Variants in TBCE observed in about 807,000 individuals in gnomAD.
TBCE encodes the protein tubulin-specific chaperone E.
A neutral mutation model predicts 77.0 loss-of-function variants in TBCE; 53 were observed. That is an observed-to-expected ratio of 0.69 (90% CI 0.55 to 0.87). The LOEUF is 0.87. TBCE is among the 40% of genes least tolerant of loss of function. The probability of loss-of-function intolerance (pLI) is 0.00; values close to 1 mark genes in which losing one functional copy is unlikely to be tolerated. For missense variants in TBCE, 624 were observed against 622.4 expected (o/e 1.00, Z -0.03); for synonymous variants, 235 against 241.3 (o/e 0.97, Z 0.24).
rs1553340612 is a variant in TBCE, at chr1:235,443,185, CAT to C, written c.1399+284_1399+285del. 9.0e-3 allele frequency among the ~76,000 whole-genome samples: 1,258 copies of C among 139,826 alleles called. 16 individuals are homozygous for C. Among genetic ancestry groups the C allele is most frequent in the African/African-American group, 0.03 (1,209 of 40,208 alleles). 91.7% of individuals were successfully genotyped at this position (139,826 alleles called of 152,430 possible). On this transcript the variant is annotated intron_variant, in intron 15 of 16. Transcript: ENST00000642610. Reference sequence around the variant, plus strand: ...ATAATTACACACACACACACACACACATATATATATACACACACACACACAAT... The same window carrying C: ...ATAATTACACACACACACACACACACATATATATACACACACACACACAAT...
intron 1 of TBCE, among the ~76,000 whole-genome samples, chr1:235,370,121 G>A (rs12070571): frequency 0.12 from 17,717 of 151,828 alleles, 1,418 homozygotes; most frequent in African/African-American, 0.22. Context: ...CATTGCACTC[G>A]TTATCCTTGT....
intron 3 of TBCE, among the ~76,000 whole-genome samples, chr1:235,405,455 G>C (rs950969577): frequency 6.6e-6 from 1 of 151,554 alleles, no homozygotes; most frequent in Non-Finnish European, 1.5e-5. Flanking sequence ...GGCCAACATG[G>C]TTAAACCCCG....
Position 235,446,695 on chromosome 1 carries a change from G to GTT in TBCE, c.1400-1639_1400-1638dup, listed in dbSNP as rs11405266. Among the ~76,000 whole-genome samples, 744 of 138,936 alleles carry GTT rather than the reference G, an allele frequency of 5.4e-3. 17 individuals carry two copies. Among genetic ancestry groups the GTT allele is most frequent in the Admixed American group, 0.041 (569 of 13,832 alleles). The allele number at this position is 138,936 out of a possible 152,430, so 91.1% of individuals were successfully genotyped here. A position where few individuals can be genotyped will look rare whatever the true frequency, so the allele number is the denominator to read the frequency against. On this transcript the variant is annotated intron_variant, in intron 15 of 16. Transcript: ENST00000642610. ...CTATAGAACCGGTATGAGTAGGCAG[G>GTT]TTTTTTTTTTTTTTTTGAGACAGGT...
chr1:235,407,479 C>T (rs1365766524), intron 3 of TBCE, among the ~76,000 whole-genome samples: 1 of 152,146 alleles, frequency 6.6e-6, no homozygotes, highest in Non-Finnish European at 1.5e-5. Context: ...CTAGCAAGCT[C>T]TGATTGGTGA....
At chr1:235,419,024 T>C (rs1680250441) in intron 4 of TBCE, 1 of 262,032 alleles carries the variant, frequency 3.8e-6, no homozygotes, top group South Asian at 4.3e-5. Context: ...CTGGCCAACA[T>C]GGTGAAACCC....
intron 2 of TBCE, among the ~76,000 whole-genome samples, chr1:235,397,347 G>A (rs1678800115): frequency 2.6e-5 from 4 of 151,954 alleles, no homozygotes; most frequent in Admixed American, 1.3e-4. Context: ...GACTACGGGC[G>A]CCCGCCAGGA....
At chr1:235,420,064 C>G (rs1384551945) in intron 5 of TBCE, among the ~76,000 whole-genome samples, 1 of 149,134 alleles carries the variant, frequency 6.7e-6, no homozygotes, top group Non-Finnish European at 1.5e-5. Context: ...AGCCTGGAGA[C>G]AGAACAAGAC....
chr1:235,443,911 A>G (rs1322798090), intron 15 of TBCE, among the ~76,000 whole-genome samples: 1 of 152,244 alleles, frequency 6.6e-6, no homozygotes, highest in Non-Finnish European at 1.5e-5. Context: ...CAAAAGAAAA[A>G]TGAAATTATA....
At chr1:235,379,580 T>C (rs1045100108) in intron 1 of TBCE, among the ~76,000 whole-genome samples, 1 of 151,848 alleles carries the variant, frequency 6.6e-6, no homozygotes, top group African/African-American at 2.4e-5. Context: ...AATGTATCGT[T>C]TGAGCTAGAG....
intron 15 of TBCE, among the ~76,000 whole-genome samples, chr1:235,447,469 A>AAGTT (rs1682443989): frequency 6.6e-6 from 1 of 152,178 alleles, no homozygotes; most frequent in Non-Finnish European, 1.5e-5. Context: ...ATTTACTCGG[A>AAGTT]AGTTACATTC....
chr1:235,398,305 C>G (rs1013146460), intron 2 of TBCE, among the ~76,000 whole-genome samples: 3 of 151,838 alleles, frequency 2.0e-5, no homozygotes, highest in African/African-American at 7.3e-5. Flanking sequence ...GCCACCACGC[C>G]CGGCTAATTT....
chr1:235,401,905 A>G (rs146966367), intron 3 of TBCE, among the ~76,000 whole-genome samples: 243 of 146,488 alleles, frequency 1.7e-3, no homozygotes, highest in African/African-American at 6.0e-3. Flanking sequence ...CCAATTTACA[A>G]TCCAGTAAGT....
At chr1:235,402,053 G>T (rs1048598616) in intron 3 of TBCE, among the ~76,000 whole-genome samples, 1 of 150,070 alleles carries the variant, frequency 6.7e-6, no homozygotes, top group South Asian at 2.1e-4. Context: ...ATGTCACATT[G>T]CATTTCTTTG....
intron 2 of TBCE, among the ~76,000 whole-genome samples, chr1:235,388,283 CTTTTT>C (rs908940784): frequency 8.5e-6 from 1 of 117,334 alleles, no homozygotes; most frequent in African/African-American, 3.3e-5. Flanking sequence ...TCTGTTACTT[CTTTTT>C]TTTTTTTTTT....
rs1331267766 is a variant in TBCE at position 235,436,712 on chromosome 1, C to T, written c.963+104C>T. ...CAAAAAAGTAAAAAGAAATTTAAAT[C>T]GAAAGAGAAATACCTCCTCAGAGTG... is the stretch of plus-strand genomic sequence containing the variant. On this transcript the variant is annotated intron_variant, in intron 11 of 16. Transcript: ENST00000642610. The T allele has an allele frequency of 4.5e-5, 52 of 1,165,202 alleles. No homozygotes were observed. The Middle Eastern group carries it at 5.7e-4, about 13-fold the overall frequency. 72.2% of individuals were successfully genotyped at this position (1,165,202 alleles called of 1,614,324 possible).
intron 2 of TBCE, among the ~76,000 whole-genome samples, chr1:235,391,557 T>C (rs1270689155): frequency 6.6e-6 from 1 of 151,218 alleles, no homozygotes; most frequent in Non-Finnish European, 1.5e-5. Flanking sequence ...CATGTCAGTT[T>C]AACAATTGTT....
At chr1:235,423,180 G>T (rs906549362) in intron 5 of TBCE, among the ~76,000 whole-genome samples, 2 of 152,138 alleles carry the variant, frequency 1.3e-5, no homozygotes, top group Non-Finnish European at 2.9e-5. Context: ...GCAGACCCGG[G>T]TGTGTCAAAT....
intron 2 of TBCE, among the ~76,000 whole-genome samples, chr1:235,397,532 C>T (rs541589637): frequency 2.0e-5 from 3 of 152,076 alleles, no homozygotes; most frequent in Admixed American, 6.6e-5. Flanking sequence ...TTGTTTCTTT[C>T]GCTATGCAGA....
At chr1:235,428,297 C>G (rs1287676460) in intron 6 of TBCE, among the ~76,000 whole-genome samples, 1 of 152,176 alleles carries the variant, frequency 6.6e-6, no homozygotes, top group Non-Finnish European at 1.5e-5. Context: ...GCACTCCAGC[C>G]TGGGCGACAG....
Sources: gnomAD v4.1 joint callset for allele counts (sites outside exome capture counted in the v4.1 genomes callset) on GRCh38, gnomAD v4.1.1 for gene constraint, MANE v1.5 for transcripts, NCBI Gene and HGNC (gene_info 2026-07-23, HGNC 2026-07-21) for gene names.